OVGP1: variants seen among roughly 807,000 people sequenced by gnomAD.
OVGP1 encodes oviduct-specific glycoprotein.
Under a neutral mutation model 48.2 loss-of-function variants are expected in OVGP1, and 26 were observed. The observed-to-expected ratio is 0.54, with a 90% CI of 0.40 to 0.75. The LOEUF is 0.75. Ranked by LOEUF, OVGP1 falls within the 30% of genes least tolerant of loss-of-function variation. The probability of loss-of-function intolerance (pLI) is 0.00; values close to 1 mark genes in which losing one functional copy is unlikely to be tolerated. For missense variants in OVGP1, 791 were observed against 820.6 expected, an observed-to-expected ratio of 0.96 and a Z score of 0.44; for synonymous variants, 294 against 305.7, an observed-to-expected ratio of 0.96 and a Z score of 0.40.
Position 111,421,370 on chromosome 1 carries a change from A to C in OVGP1, c.809T>G (p.Leu270Arg). Reference protein sequence around the residue: ...IPTYGRTFRLLKASKNGLQAR... With the variant: ...IPTYGRTFRLRKASKNGLQAR... Reference sequence around the variant, plus strand: ...CTGCAACCCATTCTTAGAGGCTTTGAGGAGGCGAAAGGTACGTCCATAGGT... The same window carrying C: ...CTGCAACCCATTCTTAGAGGCTTTGCGGAGGCGAAAGGTACGTCCATAGGT... The change falls in exon 8 of 11, where the codon CTC (leucine) becomes CGC (arginine). Residue 270 changes from leucine to arginine, a missense_variant. Transcript: ENST00000369732. The C allele has an allele frequency of 6.2e-7, 1 of 1,614,144 alleles. No homozygotes were observed. Among genetic ancestry groups the C allele is most frequent in the Non-Finnish European group, 8.5e-7 (1 of 1,180,014 alleles).
In OVGP1 at chr1:111,414,448, C is replaced by G; in HGVS notation, c.*16G>C. On this transcript the variant is annotated 3_prime_UTR_variant, in exon 11 of 11. Coordinates refer to ENST00000369732, the MANE Select transcript of OVGP1 (RefSeq NM_002557.4). ...AAAAGACAAGGGTTTTCCCTGGTTT[C>G]TGACACCAGAGGGGCTTAGGCTTCT... The G allele has an allele frequency of 6.3e-7, 1 of 1,582,434 alleles. No homozygotes were observed. The highest frequency in any genetic ancestry group is 1.2e-5 in the South Asian group (1 of 86,716).
rs1388949783 is a variant in OVGP1, at chr1:111,414,353, A to T, written c.*111T>A. ...TTACAGTTTATTTAATGGAAAAGAGATTGGCCTATTCTGGTTTTGATGCCT... is the reference window on the plus strand; with the variant it reads ...TTACAGTTTATTTAATGGAAAAGAGTTTGGCCTATTCTGGTTTTGATGCCT... On this transcript the variant is annotated 3_prime_UTR_variant, in exon 11 of 11. Transcript: ENST00000369732. 1 of 840,300 alleles carries T rather than the reference A, an allele frequency of 1.2e-6. No individual in the cohort carries two copies. The highest frequency in any genetic ancestry group is 1.9e-6 in the Non-Finnish European group (1 of 539,408). 52.1% of individuals were successfully genotyped at this position (840,300 alleles called of 1,614,324 possible). A position where few individuals can be genotyped will look rare whatever the true frequency, so the allele number is the denominator to read the frequency against.
intron 8 of OVGP1, among the ~76,000 whole-genome samples, chr1:111,420,913 G>T (rs1652251488): frequency 6.6e-6 from 1 of 152,024 alleles, no homozygotes; most frequent in Non-Finnish European, 1.5e-5. Context: ...AGGTACAGAG[G>T]CTATACTATT....
chr1:111,421,208 C>T (rs1051552304), intron 8 of OVGP1, 68 bp downstream of exon 8: 1 of 1,471,154 alleles, frequency 6.8e-7, no homozygotes, highest in Non-Finnish European at 9.2e-7. Context: ...TGCCCCTTGT[C>T]CTGGCCTTTG....
intron 4 of OVGP1, 22 bp downstream of exon 4, chr1:111,425,361 G>A (rs770431575): frequency 1.9e-6 from 3 of 1,613,304 alleles, no homozygotes; most frequent in African/African-American, 2.7e-5. Context: ...CCAGGGAGAA[G>A]AGAATAACAG....
Position 111,421,319 on chromosome 1 carries a change from G to A in OVGP1, c.860C>T (p.Pro287Leu). Residue 287 changes from proline (P) to leucine (L), a missense_variant, in exon 8 of 11, where the codon CCA (proline) becomes CTA (leucine). Transcript: ENST00000369732. ...GCCTTCTTGCTTGGTGTACTTCCCTGGAGATGCTGGTCCGATCGCTCTGGC... is the reference window on the plus strand; with the variant it reads ...GCCTTCTTGCTTGGTGTACTTCCCTAGAGATGCTGGTCCGATCGCTCTGGC... Reference protein sequence around the residue: ...LQARAIGPASPGKYTKQEGFL... With the variant: ...LQARAIGPASLGKYTKQEGFL... 6.2e-7 allele frequency: 1 copy of A among 1,613,526 alleles called. No individual in the cohort carries two copies. The highest frequency in any genetic ancestry group is 8.5e-7 in the Non-Finnish European group (1 of 1,179,826).
intron 4 of OVGP1, among the ~76,000 whole-genome samples, chr1:111,423,976 A>C (rs1652338230): frequency 6.6e-6 from 1 of 152,252 alleles, no homozygotes; most frequent in Non-Finnish European, 1.5e-5. Context: ...CAGCAGGCAC[A>C]GAACCAAGCA....
Position 111,425,455 on chromosome 1 carries a change from G to C in OVGP1, c.261-16C>G. ...CTCTCTGTTCCTATGATGTGAGAGAGAGGGTTGATGAGCTGGGTTCTTCAC... is the reference window on the plus strand; with the variant it reads ...CTCTCTGTTCCTATGATGTGAGAGACAGGGTTGATGAGCTGGGTTCTTCAC... On this transcript the variant is annotated splice_polypyrimidine_tract_variant and intron_variant, in intron 3 of 10. Coordinates refer to ENST00000369732, the MANE Select transcript of OVGP1 (RefSeq NM_002557.4). The C allele has an allele frequency of 6.2e-7, 1 of 1,614,034 alleles. No homozygotes were observed. Among genetic ancestry groups the C allele is most frequent in the Non-Finnish European group, 8.5e-7 (1 of 1,179,960 alleles).
At chr1:111,418,519 C>CA (rs1652186443) in intron 9 of OVGP1, among the ~76,000 whole-genome samples, 1 of 152,194 alleles carries the variant, frequency 6.6e-6, no homozygotes, top group Non-Finnish European at 1.5e-5. Flanking sequence ...GCTTCCCACA[C>CA]AAACTTCCCC....
At chr1:111,419,761 T>C in intron 8 of OVGP1, 35 bp from the exon 9 acceptor site, 1 of 1,278,440 alleles carries the variant, frequency 7.8e-7, no homozygotes, top group Non-Finnish European at 1.1e-6. Context: ...TTCTGGGAAG[T>C]GCCATGGAGA....
chr1:111,427,594 C>T, intron 1 of OVGP1, 103 bp downstream of exon 1: 5 of 1,397,134 alleles, frequency 3.6e-6, no homozygotes, highest in Non-Finnish European at 5.0e-6. Context: ...ATCTAGGCTT[C>T]CCTGAGTCTC....
chr1:111,421,766 T>G, intron 6 of OVGP1, 93 bp from the exon 7 acceptor site: 7 of 776,082 alleles, frequency 9.0e-6, no homozygotes, highest in South Asian at 3.4e-5. Flanking sequence ...TAGCTAGACA[T>G]TGGTCACCAG....
chr1:111,423,106 TG>T, intron 5 of OVGP1, 55 bp from the exon 6 acceptor site: 1 of 1,606,232 alleles, frequency 6.2e-7, no homozygotes, highest in Non-Finnish European at 8.5e-7. Flanking sequence ...AGGCGGGGCC[TG>T]GGGGGAGTGT....
chr1:111,424,307 C>T (rs1381561430), intron 4 of OVGP1, among the ~76,000 whole-genome samples: 1 of 152,154 alleles, frequency 6.6e-6, no homozygotes, highest in African/African-American at 2.4e-5. Context: ...TTCTATTTTA[C>T]TTGTTTTCTC....
In OVGP1 at chr1:111,414,487, A is replaced by G; in HGVS notation, c.2014T>C (p.Ser672Pro). The change falls in exon 11 of 11, where the codon TCT becomes CCT. Residue 672 changes from serine to proline, a missense_variant. Coordinates refer to ENST00000369732, the MANE Select transcript of OVGP1 (RefSeq NM_002557.4). ...LSLKKEIPEN[S>P]AVDEEA ...GCTTAGGCTTCTTCATCCACAGCAG[A>G]GTTTTCTGGGATTTCTTTTTTTAGA... 2 of 1,612,744 alleles carry G rather than the reference A, an allele frequency of 1.2e-6. No individual in the cohort carries two copies. Among genetic ancestry groups the G allele is most frequent in the Admixed American group, 3.3e-5 (2 of 59,852 alleles).
intron 3 of OVGP1, 22 bp from the exon 4 acceptor site, chr1:111,425,461 T>C: frequency 6.2e-7 from 1 of 1,614,020 alleles, no homozygotes; most frequent in South Asian, 1.1e-5. Context: ...GAGAGAGGGT[T>C]GATGAGCTGG....
At position 111,421,519 on chromosome 1, in the gene OVGP1, CA is replaced by C. The variant is rs1396625398; in HGVS notation, c.717+45del. 4 of 1,609,002 alleles carry C rather than the reference CA, an allele frequency of 2.5e-6. 1 individual carries two copies. The highest frequency in any genetic ancestry group is 4.5e-5 in the East Asian group (2 of 44,880). ...TTACTAAGAGCCAATGGCCTGAGCT[CA>C]GGGGGGCAGATGTCTGGACCACCTG... On this transcript the variant is annotated intron_variant, in intron 7 of 10. Transcript: ENST00000369732.
intron 4 of OVGP1, among the ~76,000 whole-genome samples, chr1:111,424,571 G>A (rs546714447): frequency 3.3e-5 from 5 of 152,310 alleles, no homozygotes; most frequent in African/African-American, 1.2e-4. Flanking sequence ...ACTTTGTAAA[G>A]CTTCCTGCAA....
chr1:111,424,658 G>A (rs1263685156), intron 4 of OVGP1, among the ~76,000 whole-genome samples: 1 of 152,206 alleles, frequency 6.6e-6, no homozygotes, highest in Non-Finnish European at 1.5e-5. Flanking sequence ...GGGAAGAGGT[G>A]AATCCTGGGC....
Sources: gnomAD v4.1 joint callset for allele counts (sites outside exome capture counted in the v4.1 genomes callset) on GRCh38, gnomAD v4.1.1 for gene constraint, MANE v1.5 for transcripts, NCBI Gene and HGNC (gene_info 2026-07-23, HGNC 2026-07-21) for gene names.